EFHB: variants seen among roughly 807,000 people sequenced by gnomAD.
The protein encoded by EFHB is EF-hand domain family member B, also known as EF-hand domain-containing family member B.
In EFHB, 91 loss-of-function variants were observed where a neutral mutation model predicts 87.2. The ratio of observed to expected loss-of-function variants is 1.04; its 90% confidence interval spans 0.88 to 1.24. EFHB has a LOEUF of 1.24. EFHB is among the 50% of genes most tolerant of loss of function. The pLI is 0.00. For missense variants in EFHB, 1,084 were observed against 998.8 expected, an observed-to-expected ratio of 1.09 and a Z score of -1.15; for synonymous variants, 325 against 333.6, an observed-to-expected ratio of 0.97 and a Z score of 0.28.
At chr3:19,932,026 G>A (rs937025000) in intron 1 of EFHB, among the ~76,000 whole-genome samples, 1 of 152,090 alleles carries the variant, frequency 6.6e-6, no homozygotes, top group African/African-American at 2.4e-5. Flanking sequence ...GCCAACACTG[G>A]ACATTCATTT....
At chr3:19,898,925 C>A in intron 7 of EFHB, 80 bp from the exon 8 acceptor site, 1 of 1,376,748 alleles carries the variant, frequency 7.3e-7, no homozygotes, top group Non-Finnish European at 1.0e-6. Flanking sequence ...GCCATATGTT[C>A]TTAGTAGCCC....
Position 19,925,638 on chromosome 3 carries a change from T to C in EFHB, c.790-5071A>G, listed in dbSNP as rs920563502. 5.3e-5 allele frequency among the ~76,000 whole-genome samples: 8 copies of C among 152,168 alleles called. 1 individual carries two copies. The highest frequency in any genetic ancestry group is 1.9e-4 in the African/African-American group (8 of 41,446). On this transcript the variant is annotated intron_variant, in intron 1 of 12. Transcript: ENST00000295824. ...GTCCCTAACAACACCGGAGACACCT[T>C]GCTTGGCCACCTCCTCACTCAACCC...
At chr3:19,939,312 A>G (rs938959717) in intron 1 of EFHB, among the ~76,000 whole-genome samples, 1 of 144,408 alleles carries the variant, frequency 6.9e-6, no homozygotes, top group Non-Finnish European at 1.5e-5. Flanking sequence ...TCAAGACTCA[A>G]CCCAGGGATT....
chr3:19,899,933 C>T (rs1027854575), intron 6 of EFHB, among the ~76,000 whole-genome samples: 29 of 151,784 alleles, frequency 1.9e-4, no homozygotes, highest in Admixed American at 9.2e-4. Context: ...ACTAGCTGGG[C>T]GTGGTGGCAT....
At chr3:19,925,593 C>T (rs1029170291) in intron 1 of EFHB, among the ~76,000 whole-genome samples, 8 of 152,172 alleles carry the variant, frequency 5.3e-5, no homozygotes, top group African/African-American at 1.9e-4. Flanking sequence ...CATCTCCTTG[C>T]TCAGCTGCCT....
intron 5 of EFHB, among the ~76,000 whole-genome samples, chr3:19,908,871 C>T (rs1268482978): frequency 2.0e-5 from 3 of 151,952 alleles, no homozygotes; most frequent in Non-Finnish European, 4.4e-5. Context: ...AGCAGGCTCC[C>T]TAAAAGCATG....
At chr3:19,909,136 C>T (rs994261881) in intron 5 of EFHB, among the ~76,000 whole-genome samples, 1 of 149,394 alleles carries the variant, frequency 6.7e-6, no homozygotes, top group African/African-American at 2.5e-5. Flanking sequence ...ATTTTAACTT[C>T]ATAGCACTGA....
intron 10 of EFHB, among the ~76,000 whole-genome samples, chr3:19,884,915 T>TAAA (rs1306907125): frequency 9.4e-4 from 131 of 139,512 alleles, no homozygotes; most frequent in African/African-American, 3.3e-3. Flanking sequence ...TTTCTTTTCT[T>TAAA]AAAAAAAAAA....
At chr3:19,888,035 C>T (rs938744782) in intron 10 of EFHB, among the ~76,000 whole-genome samples, 2 of 152,044 alleles carry the variant, frequency 1.3e-5, no homozygotes, top group African/African-American at 4.8e-5. Context: ...TCATTGCCAC[C>T]CTGTCCCTCA....
chr3:19,916,359 A>G (rs910882243), intron 4 of EFHB, among the ~76,000 whole-genome samples: 1 of 151,988 alleles, frequency 6.6e-6, no homozygotes, highest in Admixed American at 6.6e-5. Flanking sequence ...TACTAAAAAT[A>G]CAAAAATTAG....
chr3:19,923,336 T>C (rs1221027608), intron 1 of EFHB, among the ~76,000 whole-genome samples: 1 of 152,122 alleles, frequency 6.6e-6, no homozygotes, highest in Non-Finnish European at 1.5e-5. Context: ...ATAATTTTCT[T>C]TGTAGTACCT....
chr3:19,883,775 T>C (rs935728516), intron 11 of EFHB, among the ~76,000 whole-genome samples: 1 of 152,158 alleles, frequency 6.6e-6, no homozygotes, highest in African/African-American at 2.4e-5. Context: ...CACGTGAAGA[T>C]GAAGGCAGAG....
intron 6 of EFHB, among the ~76,000 whole-genome samples, chr3:19,902,056 C>CT (rs932377780): frequency 1.3e-5 from 2 of 152,114 alleles, no homozygotes; most frequent in African/African-American, 4.8e-5. Context: ...CAAGAACTGC[C>CT]TGGAGTATGC....
chr3:19,940,716 G>C (rs2125171894), intron 1 of EFHB: 2 of 340,934 alleles, frequency 5.9e-6, no homozygotes, highest in South Asian at 2.4e-5. Context: ...GTGCACAGCA[G>C]AGACACTGAA....
intron 8 of EFHB, among the ~76,000 whole-genome samples, chr3:19,897,148 C>T (rs760786443): frequency 1.3e-5 from 2 of 152,240 alleles, no homozygotes; most frequent in Non-Finnish European, 2.9e-5. Context: ...GAAGTTCTTG[C>T]TTGACTACCT....
intron 5 of EFHB, among the ~76,000 whole-genome samples, chr3:19,908,596 G>GA (rs57636737): frequency 6.2e-5 from 6 of 97,198 alleles, no homozygotes; most frequent in African/African-American, 1.3e-4. Context: ...GAGAGAGAGA[G>GA]AGAGAAAGAA....
chr3:19,899,338 A>C (rs202106827), intron 7 of EFHB, 94 bp downstream of exon 7: 3 of 761,244 alleles, frequency 3.9e-6, no homozygotes, highest in East Asian at 5.7e-5. Context: ...TATTTAATAG[A>C]TAGAATCTAA....
At chr3:19,884,747 T>A in intron 10 of EFHB, 132 bp from the exon 11 acceptor site, 2 of 775,344 alleles carry the variant, frequency 2.6e-6, no homozygotes, top group Non-Finnish European at 2.0e-6. Flanking sequence ...ACCCCTCCAC[T>A]GACCCAACAC....
intron 1 of EFHB, among the ~76,000 whole-genome samples, chr3:19,926,409 G>T (rs1695627250): frequency 6.6e-6 from 1 of 152,108 alleles, no homozygotes; most frequent in Non-Finnish European, 1.5e-5. Context: ...TGTCGCCGAG[G>T]CTGGAGTGCA....
Sources: allele counts gnomAD v4.1 joint callset (sites outside exome capture counted in the v4.1 genomes callset), GRCh38; gene constraint gnomAD v4.1.1; transcripts MANE v1.5; gene names NCBI Gene and HGNC (gene_info 2026-07-23, HGNC 2026-07-21).